TMPRSS11D: variants seen among roughly 807,000 people sequenced by gnomAD.
TMPRSS11D encodes the protein transmembrane protease serine 11D.
TMPRSS11D carries 32 observed loss-of-function variants against 44.4 expected under a neutral mutation model. The ratio of observed to expected loss-of-function variants is 0.72; its 90% CI spans 0.54 to 0.97. The LOEUF (loss-of-function observed/expected upper bound fraction) is 0.97, where lower values mean the gene tolerates loss of function less well. Ranked by LOEUF, TMPRSS11D falls within the 50% of genes least tolerant of loss-of-function variation. TMPRSS11D has a pLI of 0.00. For synonymous variants in TMPRSS11D, 179 were observed against 177.9 expected, an observed-to-expected ratio of 1.01 and a Z score of -0.05; for missense variants, 446 against 502.6, an observed-to-expected ratio of 0.89 and a Z score of 1.08.
At chr4:67,853,381 T>C (rs1160017239) in intron 3 of TMPRSS11D, among the ~76,000 whole-genome samples, 2 of 152,208 alleles carry the variant, frequency 1.3e-5, no homozygotes, top group South Asian at 2.1e-4. Flanking sequence ...AAAGCAACCC[T>C]GCCAGGTGAC....
intron 3 of TMPRSS11D, among the ~76,000 whole-genome samples, chr4:67,843,406 AAC>A (rs1478111585): frequency 1.3e-5 from 2 of 152,152 alleles, no homozygotes; most frequent in Admixed American, 6.5e-5. Flanking sequence ...GAATGTTCCT[AAC>A]ACAAAGAAAG....
intron 7 of TMPRSS11D, among the ~76,000 whole-genome samples, chr4:67,829,237 G>T (rs1717881567): frequency 6.6e-6 from 1 of 152,004 alleles, no homozygotes; most frequent in African/African-American, 2.4e-5. Context: ...CTTTAGGGAT[G>T]GACGATATGG....
chr4:67,838,268 T>C lies in TMPRSS11D; in HGVS notation c.379A>G (p.Asn127Asp). ...ATTCTGCTTTTCATTGATGCTCCAT[T>C]GTTATTTCTAGTGAATTGAAATTTC... ...VMKFQFTRNN[N>D]GASMKSRIES... Residue 127 changes from asparagine (N) to aspartate (D), a missense_variant, in exon 5 of 10, where the codon AAT becomes GAT. Asn to Asp is a conservative substitution (Grantham distance 23). Transcript: ENST00000283916. 1 of 1,602,306 alleles carries C rather than the reference T, an allele frequency of 6.2e-7. No homozygotes were observed.
In TMPRSS11D at chr4:67,842,644, G is replaced by A. The variant is rs377282929; in HGVS notation, c.250-19C>T. 123 of 1,583,356 alleles carry A rather than the reference G, an allele frequency of 7.8e-5. No individual in the cohort carries two copies. The African/African-American group carries it at 1.4e-3, about 18-fold the overall frequency. On this transcript the variant is annotated intron_variant, in intron 3 of 9. Transcript: ENST00000283916. Reference sequence around the variant, plus strand: ...TAGTAATCTGTAGAAAGAAAGAGAGGGGGAATCTCTCTGTAAATACAGTTC... The same window carrying A: ...TAGTAATCTGTAGAAAGAAAGAGAGAGGGAATCTCTCTGTAAATACAGTTC...
At chr4:67,859,526 A>G in intron 2 of TMPRSS11D, 31 bp downstream of exon 2, 1 of 1,604,380 alleles carries the variant, frequency 6.2e-7, no homozygotes, top group Non-Finnish European at 8.5e-7. Context: ...TAGCTATTAA[A>G]TCTGAAGAGT....
chr4:67,863,095 A>C (rs1478288170), intron 1 of TMPRSS11D, among the ~76,000 whole-genome samples: 2 of 150,790 alleles, frequency 1.3e-5, no homozygotes, highest in Non-Finnish European at 3.0e-5. Flanking sequence ...AAAAAAAGGA[A>C]GTCACAGCAG....
chr4:67,883,640 CAT>C (rs1377947896), intron 1 of TMPRSS11D, among the ~76,000 whole-genome samples: 2 of 151,990 alleles, frequency 1.3e-5, no homozygotes, highest in Admixed American at 6.6e-5. Flanking sequence ...AAATGTTGCA[CAT>C]GAGAAACAAA....
intron 2 of TMPRSS11D, among the ~76,000 whole-genome samples, chr4:67,856,653 G>T (rs1035469692): frequency 1.3e-5 from 2 of 151,946 alleles, no homozygotes; most frequent in African/African-American, 4.8e-5. Context: ...AAACTAAAAA[G>T]CTTCTGCACA....
At chr4:67,825,643 T>C in intron 9 of TMPRSS11D, 89 bp downstream of exon 9, 1 of 1,419,160 alleles carries the variant, frequency 7.0e-7, no homozygotes, top group South Asian at 1.5e-5. Flanking sequence ...ATTGTAACTG[T>C]TACACTTATG....
At chr4:67,846,978 C>T (rs1439521253) in intron 3 of TMPRSS11D, among the ~76,000 whole-genome samples, 2 of 151,732 alleles carry the variant, frequency 1.3e-5, no homozygotes, top group African/African-American at 4.8e-5. Context: ...GATCTTGGCT[C>T]ACTGCAACCT....
intron 1 of TMPRSS11D, among the ~76,000 whole-genome samples, chr4:67,861,763 A>G (rs959961673): frequency 1.3e-5 from 2 of 152,124 alleles, no homozygotes; most frequent in African/African-American, 4.8e-5. Flanking sequence ...CAACAAACAA[A>G]GGGTGTGGAG....
chr4:67,868,089 T>G (rs1042071949), intron 1 of TMPRSS11D, among the ~76,000 whole-genome samples: 1 of 151,488 alleles, frequency 6.6e-6, no homozygotes, highest in African/African-American at 2.4e-5. Context: ...GATCACTAGA[T>G]AGAGAAATAT....
At chr4:67,858,642 C>T (rs1326361570) in intron 2 of TMPRSS11D, among the ~76,000 whole-genome samples, 1 of 152,006 alleles carries the variant, frequency 6.6e-6, no homozygotes, top group Non-Finnish European at 1.5e-5. Flanking sequence ...TATATTCTTT[C>T]TCTTTTTCTC....
chr4:67,843,792 A>G (rs1246166022), intron 3 of TMPRSS11D, among the ~76,000 whole-genome samples: 1 of 152,112 alleles, frequency 6.6e-6, no homozygotes, highest in Non-Finnish European at 1.5e-5. Context: ...GCGTGGTGGC[A>G]AGTGCCTGCT....
chr4:67,834,842 T>C (rs1718036437), intron 6 of TMPRSS11D, among the ~76,000 whole-genome samples: 1 of 152,042 alleles, frequency 6.6e-6, no homozygotes, highest in South Asian at 2.1e-4. Flanking sequence ...CAATTTTGAG[T>C]GCAGAGTGGG....
intron 2 of TMPRSS11D, among the ~76,000 whole-genome samples, chr4:67,857,270 G>A (rs1577822266): frequency 2.4e-5 from 2 of 82,532 alleles, no homozygotes; most frequent in African/African-American, 5.7e-5. Flanking sequence ...AAGAAAATAT[G>A]GTATATATAT....
chr4:67,838,553 T>C (rs1364988411), intron 4 of TMPRSS11D, among the ~76,000 whole-genome samples: 2 of 152,098 alleles, frequency 1.3e-5, no homozygotes, highest in African/African-American at 4.8e-5. Flanking sequence ...GGATAGCTGA[T>C]TTTGAAGTTA....
chr4:67,870,784 A>G (rs1221418630), intron 1 of TMPRSS11D, among the ~76,000 whole-genome samples: 2 of 144,390 alleles, frequency 1.4e-5, no homozygotes. Flanking sequence ...ACTGCATTCC[A>G]GCTTGGGTAA....
chr4:67,847,101 G>A (rs1473003619), intron 3 of TMPRSS11D, among the ~76,000 whole-genome samples: 4 of 151,982 alleles, frequency 2.6e-5, no homozygotes, highest in African/African-American at 4.8e-5. Flanking sequence ...ATGGGGTTTC[G>A]CCATGTTGGG....
Sources: allele counts gnomAD v4.1 joint callset (sites outside exome capture counted in the v4.1 genomes callset), GRCh38; gene constraint gnomAD v4.1.1; transcripts MANE v1.5; gene names NCBI Gene and HGNC (gene_info 2026-07-23, HGNC 2026-07-21).